Variants in KDM3B observed in about 807,000 individuals in gnomAD.
KDM3B encodes the protein lysine-specific demethylase 3B.
Under a neutral mutation model 170.0 loss-of-function variants are expected in KDM3B, and 10 were observed. The observed-to-expected ratio is 0.06, with a 90% CI of 0.04 to 0.10. The LOEUF (loss-of-function observed/expected upper bound fraction) is 0.10, where lower values mean the gene tolerates loss of function less well. Among genes scored for constraint, KDM3B ranks in the 10% least tolerant of loss-of-function variants. The pLI is 1.00. For missense variants in KDM3B, 1,394 were observed against 2,195.2 expected, an observed-to-expected ratio of 0.64 and a Z score of 7.29; for synonymous variants, 831 against 834.8, an observed-to-expected ratio of 1.00 and a Z score of 0.08.
intron 23 of KDM3B, among the ~76,000 whole-genome samples, chr5:138,434,243 T>G (rs1352768662): frequency 6.6e-6 from 1 of 152,014 alleles, no homozygotes; most frequent in Non-Finnish European, 1.5e-5. Flanking sequence ...GGCAACAGAC[T>G]CTGTCTCTTT....
At chr5:138,381,005 G>A (rs1402319735) in intron 5 of KDM3B, among the ~76,000 whole-genome samples, 1 of 151,824 alleles carries the variant, frequency 6.6e-6, no homozygotes, top group Non-Finnish European at 1.5e-5. Context: ...CTCCTGATTC[G>A]CTGAGATTAC....
In KDM3B at chr5:138,361,339, CTT is replaced by C. The variant is rs10715941; in HGVS notation, c.192+8364_192+8365del. Among the ~76,000 whole-genome samples, 436 of 146,146 alleles carry C rather than the reference CTT, an allele frequency of 3.0e-3. 1 individual carries two copies. The highest frequency in any genetic ancestry group is 2.8e-3 in the African/African-American group (113 of 39,860). ...TTCAGTTTTCTAAGGGCTGAAACTC[CTT>C]TTTTTTTTTTTCCTTTTTTCATGAC... On this transcript the variant is annotated intron_variant, in intron 1 of 23. Coordinates refer to ENST00000314358, the MANE Select transcript of KDM3B (RefSeq NM_016604.4).
chr5:138,382,673 ATT>A (rs869184496), intron 6 of KDM3B, among the ~76,000 whole-genome samples: 1 of 147,976 alleles, frequency 6.8e-6, no homozygotes. Flanking sequence ...AAGAAAAAAA[ATT>A]TTTTTTTTTT....
rs769851705 is a variant in KDM3B at position 138,375,073 on chromosome 5, C to T, written c.361-20C>T. 3 of 1,325,912 alleles carry T rather than the reference C, an allele frequency of 2.3e-6. No individual in the cohort carries two copies. The highest frequency in any genetic ancestry group is 3.3e-6 in the Non-Finnish European group (3 of 922,408). 82.1% of individuals were successfully genotyped at this position (1,325,912 alleles called of 1,614,324 possible). A position where few individuals can be genotyped will look rare whatever the true frequency, so the allele number is the denominator to read the frequency against. On this transcript the variant is annotated intron_variant, in intron 2 of 23. Coordinates refer to ENST00000314358, the MANE Select transcript of KDM3B (RefSeq NM_016604.4). Reference sequence around the variant, plus strand: ...TTTATTCCCAAGTTCTAATCAATTTCTTGTCATTGTACTTCACAGACTTTT... The same window carrying T: ...TTTATTCCCAAGTTCTAATCAATTTTTTGTCATTGTACTTCACAGACTTTT...
At chr5:138,425,256 CAT>C (rs1287324318) in intron 16 of KDM3B, among the ~76,000 whole-genome samples, 153 bp from the exon 17 acceptor site, 13 of 152,166 alleles carry the variant, frequency 8.5e-5, no homozygotes, top group Admixed American at 3.3e-4. Context: ...CTTTAGTTGA[CAT>C]GTGGAAATCC....
chr5:138,399,809 T>C (rs769335382), intron 10 of KDM3B, 51 bp from the exon 11 acceptor site: 18 of 1,581,754 alleles, frequency 1.1e-5, no homozygotes, highest in Admixed American at 6.8e-5. Context: ...CTGGGGTCTT[T>C]TGTTATTGGT....
chr5:138,421,093 T>C, intron 15 of KDM3B, 131 bp downstream of exon 15: 1 of 1,108,194 alleles, frequency 9.0e-7, no homozygotes, highest in Non-Finnish European at 1.3e-6. Context: ...GGTCTCTCTT[T>C]AAAGTTTTGG....
chr5:138,375,986 TTTTA>T (rs1287886420), intron 3 of KDM3B, among the ~76,000 whole-genome samples: 1 of 150,386 alleles, frequency 6.6e-6, no homozygotes, highest in Non-Finnish European at 1.5e-5. Flanking sequence ...ATTTTTAAAT[TTTTA>T]TTTATTTATT....
At chr5:138,362,278 C>T (rs1761628263) in intron 1 of KDM3B, among the ~76,000 whole-genome samples, 1 of 149,074 alleles carries the variant, frequency 6.7e-6, no homozygotes. Flanking sequence ...GATTGCACCA[C>T]TGTACTCCAG....
At chr5:138,418,786 A>T (rs150953501) in intron 13 of KDM3B, among the ~76,000 whole-genome samples, 167 bp from the exon 14 acceptor site, 1 of 152,364 alleles carries the variant, frequency 6.6e-6, no homozygotes, top group African/African-American at 2.4e-5. Context: ...GGTTTCTGGC[A>T]TGTTGTAGGA....
Position 138,427,969 on chromosome 5 carries a change from T to A in KDM3B, c.4636T>A (p.Leu1546Met). The A allele has an allele frequency of 6.2e-7, 1 of 1,612,958 alleles. No individual in the cohort carries two copies. The highest frequency in any genetic ancestry group is 8.5e-7 in the Non-Finnish European group (1 of 1,179,368). ...GCATATTTTCCTTTCTCCTTTAGGGTTGATAACAGCAGAAGATAGAAGAGT... is the reference window on the plus strand; with the variant it reads ...GCATATTTTCCTTTCTCCTTTAGGGATGATAACAGCAGAAGATAGAAGAGT... Reference protein sequence around the residue: ...LGPKMYNAYGLITAEDRRVGT... With the variant: ...LGPKMYNAYGMITAEDRRVGT... The change falls in exon 20 of 24, where the codon TTG becomes ATG. Residue 1546 changes from leucine to methionine, a missense_variant and splice_region_variant. By Grantham distance (15) the Leu-to-Met change is conservative (BLOSUM62 2). Coordinates refer to ENST00000314358, the MANE Select transcript of KDM3B (RefSeq NM_016604.4).
intron 11 of KDM3B, among the ~76,000 whole-genome samples, chr5:138,402,548 A>G (rs978336195): frequency 9.9e-5 from 15 of 152,228 alleles, no homozygotes; most frequent in African/African-American, 3.1e-4. Context: ...TGTATGTAAC[A>G]TGGTTAGAAT....
intron 1 of KDM3B, among the ~76,000 whole-genome samples, chr5:138,367,650 T>G (rs1272020203): frequency 1.3e-5 from 2 of 152,216 alleles, no homozygotes; most frequent in East Asian, 1.9e-4. Flanking sequence ...TTTACTCTGA[T>G]AGTAGAAATT....
rs542647884 is a variant in KDM3B, at chr5:138,414,366, C to T, written c.3200-766C>T. 1.4e-3 allele frequency among the ~76,000 whole-genome samples: 209 copies of T among 152,076 alleles called. 1 individual carries two copies. Among genetic ancestry groups the T allele is most frequent in the African/African-American group, 4.7e-3 (196 of 41,486 alleles). ...ATTTTTAGTAGAGACAGGGTTTCAC[C>T]GTATTAGCCAGGATGGTCTCGATCT... is the stretch of plus-strand genomic sequence containing the variant. On this transcript the variant is annotated intron_variant, in intron 11 of 23. Transcript: ENST00000314358.
chr5:138,391,054 A>G lies in KDM3B; in HGVS notation c.1422A>G (p.Ala474=), dbSNP rs1310367030. 6.3e-7 allele frequency: 1 copy of G among 1,587,808 alleles called. No homozygotes were observed. The highest frequency in any genetic ancestry group is 1.8e-5 in the Admixed American group (1 of 54,570). Reference sequence around the variant, plus strand: ...TTCTGGCCTCTTCTGGATTTGGAGCACCTCTCCCTAGTTCATCGCAACCTT... The same window carrying G: ...TTCTGGCCTCTTCTGGATTTGGAGCGCCTCTCCCTAGTTCATCGCAACCTT... The part of the protein sequence containing the change: ...NSILASSGFG[A]PLPSSSQPLT... Residue 474 remains alanine, a synonymous_variant, in exon 8 of 24, where the codon GCA becomes GCG. Coordinates refer to ENST00000314358, the MANE Select transcript of KDM3B (RefSeq NM_016604.4). The surrounding 1 kb of genome is among the most constrained non-coding windows in gnomAD (Gnocchi z 5.0).
intron 6 of KDM3B, among the ~76,000 whole-genome samples, chr5:138,383,395 C>T (rs563063764): frequency 9.4e-5 from 14 of 149,058 alleles, no homozygotes; most frequent in African/African-American, 3.5e-4. Context: ...CCTTGGCCTC[C>T]CAAAGTTCTG....
In KDM3B at chr5:138,352,736, C is replaced by T; in HGVS notation, c.-60C>T. On this transcript the variant is annotated 5_prime_UTR_variant, in exon 1 of 24. Coordinates refer to ENST00000314358, the MANE Select transcript of KDM3B (RefSeq NM_016604.4). The stretch of plus-strand genomic sequence containing the variant: ...GGAGGCCTTGCGGGCGGATCGGGCG[C>T]TTGGCGGCGGAGGTGGTGGGAGGCG... The T allele has an allele frequency of 3.7e-6, 4 of 1,084,212 alleles. No individual in the cohort carries two copies. Among genetic ancestry groups the T allele is most frequent in the Non-Finnish European group, 4.5e-6 (4 of 897,626 alleles). The allele number at this position is 1,084,212 out of a possible 1,614,324, so 67.2% of individuals were successfully genotyped here. A position where few individuals can be genotyped will look rare whatever the true frequency, so the allele number is the denominator to read the frequency against.
intron 1 of KDM3B, among the ~76,000 whole-genome samples, chr5:138,355,042 G>A (rs928644765): frequency 6.6e-6 from 1 of 152,112 alleles, no homozygotes; most frequent in Non-Finnish European, 1.5e-5. Flanking sequence ...CCTTTGGACC[G>A]TAGGCATGTG....
intron 21 of KDM3B, 63 bp from the exon 22 acceptor site, chr5:138,430,186 A>C: frequency 6.4e-7 from 1 of 1,557,922 alleles, no homozygotes; most frequent in East Asian, 2.3e-5. Context: ...TGCTGCAGCA[A>C]GTTGGATTTA....
Sources: gnomAD v4.1 joint callset for allele counts (sites outside exome capture counted in the v4.1 genomes callset) on GRCh38, gnomAD v4.1.1 for gene constraint, Gnocchi (gnomAD v3.1) non-coding constraint, MANE v1.5 for transcripts, NCBI Gene and HGNC (gene_info 2026-07-23, HGNC 2026-07-21) for gene names.